Variants in API5 observed in about 807,000 individuals in gnomAD.
API5 encodes the protein FIF.
A neutral mutation model predicts 71.9 loss-of-function variants in API5; 6 were observed. The ratio of observed to expected loss-of-function variants is 0.08; its 90% confidence interval spans 0.05 to 0.16. The LOEUF (loss-of-function observed/expected upper bound fraction) is 0.16. Among genes scored for constraint, API5 ranks in the 10% least tolerant of loss-of-function variants. API5 has a pLI of 1.00. For synonymous variants in API5, 189 were observed against 221.3 expected (o/e 0.85, Z 1.30); for missense variants, 332 against 612.8 (o/e 0.54, Z 4.84).
At position 43,312,209 on chromosome 11, in the gene API5, C is replaced by G. The variant is rs1854496668; in HGVS notation, c.69+13C>G. The G allele has an allele frequency of 6.2e-7, 1 of 1,612,754 alleles. No individual in the cohort carries two copies. The highest frequency in any genetic ancestry group is 1.1e-5 in the South Asian group (1 of 91,006). On this transcript the variant is annotated intron_variant, in intron 1 of 13. Coordinates refer to ENST00000531273, the MANE Select transcript of API5 (RefSeq NM_001142930.2). ...GCAAGTGGGCCAGGTGAGTTGAGTC[C>G]CCGGGCGGCCTGCAGGGCCTGGCGC...
chr11:43,316,979 T>C (rs1854694400), intron 1 of API5, among the ~76,000 whole-genome samples: 1 of 152,230 alleles, frequency 6.6e-6, no homozygotes, highest in Non-Finnish European at 1.5e-5. Flanking sequence ...TGCATCCTGC[T>C]TTATTTTTTC....
In API5 at chr11:43,312,049, G is replaced by A; in HGVS notation, c.-79G>A. 1.3e-6 allele frequency: 2 copies of A among 1,520,700 alleles called. No homozygotes were observed. The highest frequency in any genetic ancestry group is 1.8e-6 in the Non-Finnish European group (2 of 1,104,820). 94.2% of individuals were successfully genotyped at this position (1,520,700 alleles called of 1,614,324 possible). Reference sequence around the variant, plus strand: ...GGAGGTGTAATAGTGCGGGTAGTGGGTTTGGAGAAGTTCCGAGGCGGCGGT... The same window carrying A: ...GGAGGTGTAATAGTGCGGGTAGTGGATTTGGAGAAGTTCCGAGGCGGCGGT... On this transcript the variant is annotated 5_prime_UTR_variant, in exon 1 of 14. Transcript: ENST00000531273.
At chr11:43,321,952 T>C in intron 4 of API5, 33 bp from the exon 5 acceptor site, 3 of 1,588,278 alleles carry the variant, frequency 1.9e-6, no homozygotes, top group Non-Finnish European at 2.6e-6. Flanking sequence ...ACTATAGAAT[T>C]GACTTGCTAC....
intron 9 of API5, among the ~76,000 whole-genome samples, 179 bp from the exon 10 acceptor site, chr11:43,329,786 A>AG (rs1703727302): frequency 6.6e-6 from 1 of 152,226 alleles, no homozygotes; most frequent in African/African-American, 2.4e-5. Context: ...GTGGTAAGGC[A>AG]GAAGTTTGAT....
At chr11:43,332,572 G>A (rs1381082564) in intron 11 of API5, among the ~76,000 whole-genome samples, 2 of 152,154 alleles carry the variant, frequency 1.3e-5, no homozygotes, top group Non-Finnish European at 2.9e-5. Flanking sequence ...GAGGGGTCTT[G>A]AAGAGTCCTG....
At chr11:43,320,307 G>C (rs1322400265) in intron 2 of API5, among the ~76,000 whole-genome samples, 1 of 151,806 alleles carries the variant, frequency 6.6e-6, no homozygotes, top group Non-Finnish European at 1.5e-5. Flanking sequence ...GCCTCCCAAA[G>C]TGCTGGGATT....
intron 1 of API5, among the ~76,000 whole-genome samples, chr11:43,314,527 C>T (rs994936141): frequency 1.3e-5 from 2 of 152,114 alleles, no homozygotes; most frequent in Non-Finnish European, 2.9e-5. Context: ...AAAAAGGATA[C>T]CTTTGTCTAC....
intron 13 of API5, among the ~76,000 whole-genome samples, chr11:43,341,411 A>G (rs1218642362): frequency 1.3e-5 from 2 of 152,160 alleles, no homozygotes; most frequent in Admixed American, 1.3e-4. Flanking sequence ...TTCAGCCATA[A>G]AAAAAGAATG....
chr11:43,324,975 G>A (rs1356868038), intron 6 of API5, among the ~76,000 whole-genome samples: 1 of 151,998 alleles, frequency 6.6e-6, no homozygotes. Context: ...CACCATGCCT[G>A]GCCATGCCCC....
At position 43,339,092 on chromosome 11, in the gene API5, A is replaced by G. The variant is rs150143774; in HGVS notation, c.1492+3098A>G. 4.1e-3 allele frequency: 620 copies of G among 152,312 alleles called. 4 individuals carry two copies. Among genetic ancestry groups the G allele is most frequent in the South Asian group, 0.015 (72 of 4,822 alleles). The allele number at this position is 152,312 out of a possible 1,614,324, so 9.4% of individuals were successfully genotyped here. On this transcript the variant is annotated intron_variant, in intron 13 of 13. Coordinates refer to ENST00000531273, the MANE Select transcript of API5 (RefSeq NM_001142930.2). ...ATGATTTCATTTTCAAATGGTTTGC[A>G]TACTAATCAGCTTGTAAAAAAATGT...
At chr11:43,314,240 C>A (rs953496515) in intron 1 of API5, among the ~76,000 whole-genome samples, 12 of 152,076 alleles carry the variant, frequency 7.9e-5, no homozygotes, top group African/African-American at 2.9e-4. Context: ...AATTGTTCTA[C>A]CTACGTTAGA....
intron 13 of API5, chr11:43,339,391 C>T (rs1361241568): frequency 6.6e-6 from 1 of 152,142 alleles, no homozygotes; most frequent in Non-Finnish European, 1.5e-5. Flanking sequence ...TTGTTGCTAA[C>T]AAGATTGCTA....
chr11:43,330,784 C>T (rs1294827156), intron 11 of API5, among the ~76,000 whole-genome samples: 1 of 152,204 alleles, frequency 6.6e-6, no homozygotes, highest in Non-Finnish European at 1.5e-5. Flanking sequence ...CAGTAAATCC[C>T]TGTTCTGCTT....
At chr11:43,323,715 A>T in intron 6 of API5, 79 bp downstream of exon 6, 1 of 1,350,652 alleles carries the variant, frequency 7.4e-7, no homozygotes, top group East Asian at 2.3e-5. Flanking sequence ...TTCCCCTTAA[A>T]CCTTTCCAGT....
At chr11:43,313,239 T>C (rs1003918875) in intron 1 of API5, among the ~76,000 whole-genome samples, 3 of 152,214 alleles carry the variant, frequency 2.0e-5, no homozygotes, top group East Asian at 1.9e-4. Context: ...AAGAGCTCTC[T>C]TAACGATGCT....
At chr11:43,329,238 G>T (rs5743243) in intron 9 of API5, 12 of 189,908 alleles carry the variant, frequency 6.3e-5, no homozygotes, top group African/African-American at 2.1e-4. Context: ...CCAGCTACTT[G>T]CAACACTGAG....
chr11:43,316,220 A>G (rs1299774034), intron 1 of API5, among the ~76,000 whole-genome samples: 2 of 152,202 alleles, frequency 1.3e-5, no homozygotes, highest in Non-Finnish European at 2.9e-5. Flanking sequence ...TCTGAGCCCT[A>G]GTTTCCTCAT....
At position 43,318,118 on chromosome 11, in the gene API5, T is replaced by C. The variant is rs145362914; in HGVS notation, c.70-522T>C. 7.2e-5 allele frequency among the ~76,000 whole-genome samples: 11 copies of C among 152,350 alleles called. No individual in the cohort carries two copies. The East Asian group carries it at 2.1e-3, about 29-fold the overall frequency. On this transcript the variant is annotated intron_variant, in intron 1 of 13. Transcript: ENST00000531273. ...TCCGCTTCCCGGACTCAAGCAATTC[T>C]CCTGCCTCAGCCTCCCGAGTAGCCG... is the stretch of plus-strand genomic sequence containing the variant.
chr11:43,316,716 G>A (rs991953462), intron 1 of API5, among the ~76,000 whole-genome samples: 15 of 152,018 alleles, frequency 9.9e-5, no homozygotes, highest in Non-Finnish European at 2.1e-4. Context: ...ACTCCTGGGC[G>A]CGACCATGGC....
Sources: allele counts gnomAD v4.1 joint callset (sites outside exome capture counted in the v4.1 genomes callset), GRCh38; gene constraint gnomAD v4.1.1; transcripts MANE v1.5; gene names NCBI Gene and HGNC (gene_info 2026-07-23, HGNC 2026-07-21).